The following MAPK13 variants were observed in gnomAD, a reference collection of about 807,000 sequenced individuals.
MAPK13 encodes the protein MAP kinase 13.
A neutral mutation model predicts 53.5 loss-of-function variants in MAPK13; 39 were observed. The observed-to-expected ratio is 0.73, with a 90% confidence interval of 0.56 to 0.95. The LOEUF (loss-of-function observed/expected upper bound fraction) is 0.95. Ranked by LOEUF, MAPK13 falls within the 40% of genes least tolerant of loss-of-function variation. The probability of loss-of-function intolerance (pLI) is 0.00; values close to 1 mark genes in which losing one functional copy is unlikely to be tolerated. For missense variants in MAPK13, 460 were observed against 471.8 expected (o/e 0.98, Z 0.23); for synonymous variants, 179 against 190.9 (o/e 0.94, Z 0.51).
Position 36,137,857 on chromosome 6 carries a change from G to T in MAPK13, c.683-508G>T, listed in dbSNP as rs1044453210. ...GCCTGTAATCCCAGCTACTCGGGAG[G>T]CTGAGGCAGGAAAATCGCTTGAACC... On this transcript the variant is annotated intron_variant, in intron 8 of 11. Coordinates refer to ENST00000211287, the MANE Select transcript of MAPK13 (RefSeq NM_002754.5). Among the ~76,000 whole-genome samples, 4 of 149,044 alleles carry T rather than the reference G, an allele frequency of 2.7e-5. No homozygotes were observed. The Admixed American group carries it at 2.7e-4, about 10-fold the overall frequency.
rs1472324907 is a variant in MAPK13, at chr6:36,140,248, A to G, written c.*875A>G. Reference sequence around the variant, plus strand: ...ATTCAGGTTATTTTGGGTGAGTGATAAGCAATCAAGATATGAAACAACAGC... The same window carrying G: ...ATTCAGGTTATTTTGGGTGAGTGATGAGCAATCAAGATATGAAACAACAGC... On this transcript the variant is annotated 3_prime_UTR_variant, in exon 12 of 12. Transcript: ENST00000211287. The G allele has an allele frequency of 6.6e-6, 1 of 152,442 alleles. No individual in the cohort carries two copies. Among genetic ancestry groups the G allele is most frequent in the Non-Finnish European group, 1.5e-5 (1 of 68,056 alleles). 9.4% of individuals were successfully genotyped at this position (152,442 alleles called of 1,614,324 possible). A position where few individuals can be genotyped will look rare whatever the true frequency, so the allele number is the denominator to read the frequency against.
intron 8 of MAPK13, 50 bp downstream of exon 8, chr6:36,137,000 A>G (rs1766431033): frequency 2.7e-6 from 4 of 1,483,634 alleles, no homozygotes; most frequent in Non-Finnish European, 3.7e-6. Context: ...CCTTCCTTCA[A>G]CAGACACTTT....
chr6:36,131,105 C>T, intron 1 of MAPK13, 166 bp from the exon 2 acceptor site: 2 of 720,768 alleles, frequency 2.8e-6, no homozygotes. Context: ...CTCTCAGCTC[C>T]TGCCTGGCTT....
Position 36,130,760 on chromosome 6 carries a change from C to A in MAPK13, c.119+59C>A. 1 of 956,826 alleles carries A rather than the reference C, an allele frequency of 1.0e-6. No individual in the cohort carries two copies. The allele number at this position is 956,826 out of a possible 1,614,324, so 59.3% of individuals were successfully genotyped here. A position where few individuals can be genotyped will look rare whatever the true frequency, so the allele number is the denominator to read the frequency against. On this transcript the variant is annotated intron_variant, in intron 1 of 11. Transcript: ENST00000211287. The surrounding 1 kb of genome is among the most constrained non-coding windows in gnomAD (Gnocchi z 4.5). ...GGGCGCCAGGCTCTCCCCTTTCCGCCCAGCCCGCCCTGGGCTGGCCCCTCG... is the reference window on the plus strand; with the variant it reads ...GGGCGCCAGGCTCTCCCCTTTCCGCACAGCCCGCCCTGGGCTGGCCCCTCG...
In MAPK13 at chr6:36,138,944, C is replaced by T. The variant is rs756329405; in HGVS notation, c.907C>T (p.Leu303Phe). 1 of 1,613,672 alleles carries T rather than the reference C, an allele frequency of 6.2e-7. No individual in the cohort carries two copies. Among genetic ancestry groups the T allele is most frequent in the East Asian group, 2.2e-5 (1 of 44,872 alleles). Residue 303 changes from leucine to phenylalanine, a missense_variant, in exon 11 of 12, where the codon CTC (leucine) becomes TTC (phenylalanine). By Grantham distance (22) the Leu-to-Phe change is conservative. Transcript: ENST00000211287. ...CAAGCGCCTGACGGCCGCGCAGGCCCTCACCCATCCCTTCTTTGAACCCTT... is the reference window on the plus strand; with the variant it reads ...CAAGCGCCTGACGGCCGCGCAGGCCTTCACCCATCCCTTCTTTGAACCCTT... Reference protein sequence around the residue: ...VDKRLTAAQALTHPFFEPFRD... With the variant: ...VDKRLTAAQAFTHPFFEPFRD...
chr6:36,138,517 C>G, intron 9 of MAPK13, 73 bp downstream of exon 9: 1 of 1,485,458 alleles, frequency 6.7e-7, no homozygotes, highest in East Asian at 2.4e-5. Flanking sequence ...GGCTGCAGGC[C>G]TTTGTGGAAG....
chr6:36,135,768 C>T lies in MAPK13; in HGVS notation c.324C>T (p.Pro108=). Residue 108 remains proline, a synonymous_variant, in exon 4 of 12, where the codon CCC becomes CCT. Transcript: ENST00000211287. ...TGCCTTCCAGCTACCTGGTGATGCC[C>T]TTCATGCAGACGGATCTGCAGAAGA... ...RNFYDFYLVM[P]FMQTDLQKIM... The T allele has an allele frequency of 6.2e-7, 1 of 1,613,354 alleles. No individual in the cohort carries two copies. The highest frequency in any genetic ancestry group is 8.5e-7 in the Non-Finnish European group (1 of 1,179,470).
chr6:36,134,335 C>CA (rs1206175491), intron 3 of MAPK13, among the ~76,000 whole-genome samples: 45 of 151,992 alleles, frequency 3.0e-4, no homozygotes, highest in African/African-American at 1.1e-3. Flanking sequence ...ACAACAACAA[C>CA]AACAACAAAA....
intron 3 of MAPK13, among the ~76,000 whole-genome samples, chr6:36,133,268 C>T (rs1250890197): frequency 6.6e-6 from 1 of 152,190 alleles, no homozygotes; most frequent in Non-Finnish European, 1.5e-5. Flanking sequence ...CAGGCAGCCT[C>T]AAGACCTGGG....
At position 36,130,837 on chromosome 6, in the gene MAPK13, A is replaced by G; in HGVS notation, c.119+136A>G. ...AAGGCCCAGCGCCCTCCCCGGGGCC[A>G]CCCAGCGGCCATCTCCCTTTTCTCA... On this transcript the variant is annotated intron_variant, in intron 1 of 11. Transcript: ENST00000211287. This position sits in a 1 kb window ranked among gnomAD's most constrained non-coding sequence, Gnocchi z 4.5. 1.9e-6 allele frequency: 1 copy of G among 526,596 alleles called. No individual in the cohort carries two copies. The highest frequency in any genetic ancestry group is 3.3e-6 in the Non-Finnish European group (1 of 299,430). The allele number at this position is 526,596 out of a possible 1,614,324, so 32.6% of individuals were successfully genotyped here.
chr6:36,136,564 G>T (rs1264400177), intron 6 of MAPK13, 33 bp downstream of exon 6: 1 of 1,597,058 alleles, frequency 6.3e-7, no homozygotes, highest in African/African-American at 1.3e-5. Context: ...CCAGAGGCGG[G>T]ATAGGCCCTC....
At chr6:36,133,656 C>T (rs181163201) in intron 3 of MAPK13, among the ~76,000 whole-genome samples, 248 of 152,328 alleles carry the variant, frequency 1.6e-3, no homozygotes, top group Middle Eastern at 3.4e-3. Context: ...TGTTTAATCA[C>T]AGTTGCAAAT....
intron 3 of MAPK13, among the ~76,000 whole-genome samples, chr6:36,133,249 C>T (rs1766353429): frequency 6.6e-6 from 1 of 152,220 alleles, no homozygotes. Context: ...TGAATCTGGA[C>T]TGACCCTACA....
chr6:36,140,982 G>A lies in MAPK13; in HGVS notation c.*1609G>A, dbSNP rs1351303589. Reference sequence around the variant, plus strand: ...AATTAAAACATTTTTTTTCTTTTTTGTATAGGCGGGGTTTCTCTATGTTGC... The same window carrying A: ...AATTAAAACATTTTTTTTCTTTTTTATATAGGCGGGGTTTCTCTATGTTGC... On this transcript the variant is annotated 3_prime_UTR_variant, in exon 12 of 12. Transcript: ENST00000211287. 1 of 151,784 alleles carries A rather than the reference G, an allele frequency of 6.6e-6. No individual in the cohort carries two copies. Among genetic ancestry groups the A allele is most frequent in the Non-Finnish European group, 1.5e-5 (1 of 67,942 alleles). 9.4% of individuals were successfully genotyped at this position (151,784 alleles called of 1,614,324 possible). A position where few individuals can be genotyped will look rare whatever the true frequency, so the allele number is the denominator to read the frequency against.
chr6:36,135,638 G>A (rs1171027141), intron 3 of MAPK13, 115 bp from the exon 4 acceptor site: 2 of 655,950 alleles, frequency 3.0e-6, no homozygotes, highest in African/African-American at 1.8e-5. Context: ...TTGAGTTTTT[G>A]CACACTGGAG....
At chr6:36,138,051 C>CTG (rs1766454663) in intron 8 of MAPK13, among the ~76,000 whole-genome samples, 1 of 151,268 alleles carries the variant, frequency 6.6e-6, no homozygotes, top group Non-Finnish European at 1.5e-5. Flanking sequence ...CACACATTAA[C>CTG]TGAGTACCTG....
At chr6:36,131,789 AAG>A (rs1766328842) in intron 2 of MAPK13, among the ~76,000 whole-genome samples, 2 of 152,194 alleles carry the variant, frequency 1.3e-5, no homozygotes, top group Admixed American at 1.3e-4. Context: ...CCTATGTTCT[AAG>A]AGCTCTGCAT....
intron 2 of MAPK13, among the ~76,000 whole-genome samples, chr6:36,132,340 T>C (rs76379413): frequency 0.036 from 5,555 of 152,322 alleles, 229 homozygotes; most frequent in African/African-American, 0.1. Context: ...TTGCTTGCCC[T>C]GACACCAGAC....
intron 4 of MAPK13, 35 bp from the exon 5 acceptor site, chr6:36,135,984 G>A (rs1766409596): frequency 1.2e-6 from 2 of 1,613,902 alleles, no homozygotes; most frequent in Non-Finnish European, 1.7e-6. Flanking sequence ...GTGGAAGCTG[G>A]GCCATGGACT....
Sources: gnomAD v4.1 joint callset for allele counts (sites outside exome capture counted in the v4.1 genomes callset) on GRCh38, gnomAD v4.1.1 for gene constraint, Gnocchi (gnomAD v3.1) non-coding constraint, MANE v1.5 for transcripts, NCBI Gene and HGNC (gene_info 2026-07-23, HGNC 2026-07-21) for gene names.